The following MYMK variants were observed in gnomAD, a reference collection of about 807,000 sequenced individuals.
MYMK encodes protein myomaker.
Under a neutral mutation model 22.4 loss-of-function variants are expected in MYMK, and 16 were observed. That is an observed-to-expected ratio of 0.72 (90% CI 0.48 to 1.09). The LOEUF (loss-of-function observed/expected upper bound fraction) is 1.09, where lower values mean the gene tolerates loss of function less well. Among genes scored for constraint, MYMK ranks in the 50% least tolerant of loss-of-function variants. The probability of loss-of-function intolerance (pLI) is 0.00; values close to 1 mark genes in which losing one functional copy is unlikely to be tolerated. For missense variants in MYMK, 250 were observed against 295.6 expected (o/e 0.85, Z 1.13); for synonymous variants, 125 against 127.0 (o/e 0.98, Z 0.11).
At chr9:133,517,697 C>A (rs1454246950) in intron 3 of MYMK, among the ~76,000 whole-genome samples, 1 of 151,332 alleles carries the variant, frequency 6.6e-6, no homozygotes, top group Non-Finnish European at 1.5e-5. Flanking sequence ...CAGGTTCTGG[C>A]CCCGCCACTG....
chr9:133,522,403 C>A (rs937073735), intron 1 of MYMK, among the ~76,000 whole-genome samples: 3 of 152,138 alleles, frequency 2.0e-5, no homozygotes, highest in Non-Finnish European at 4.4e-5. Context: ...GGTTTGCACC[C>A]ATAGCAAGGT....
At chr9:133,519,864 G>A (rs1051345782) in intron 2 of MYMK, among the ~76,000 whole-genome samples, 15 of 152,350 alleles carry the variant, frequency 9.8e-5, no homozygotes, top group South Asian at 2.1e-4. Flanking sequence ...TCCCAGGGAA[G>A]GAGTGACGGG....
rs891691935 is a variant in MYMK, at chr9:133,517,906, G to A, written c.399+968C>T. 5.3e-5 allele frequency among the ~76,000 whole-genome samples: 8 copies of A among 152,238 alleles called. No individual in the cohort carries two copies. In the East Asian group the frequency reaches 1.2e-3, roughly 22 times the overall value. On this transcript the variant is annotated intron_variant, in intron 3 of 4. Coordinates refer to ENST00000339996, the MANE Select transcript of MYMK (RefSeq NM_001080483.3). ...AGAGCTGCCCTCTGTCTTGCTGGGT[G>A]TCCTGCGGCTCTGGCCGGGGCTGGC...
intron 1 of MYMK, among the ~76,000 whole-genome samples, chr9:133,523,427 A>G (rs975664588): frequency 6.6e-6 from 1 of 152,078 alleles, no homozygotes; most frequent in African/African-American, 2.4e-5. Context: ...TCCCCAGAGC[A>G]GGTGTCATGC....
chr9:133,519,766 C>T (rs1202743726), intron 2 of MYMK, among the ~76,000 whole-genome samples: 1 of 152,108 alleles, frequency 6.6e-6, no homozygotes, highest in Non-Finnish European at 1.5e-5. Context: ...TGAACAGTCC[C>T]GTCTTCCAGG....
intron 1 of MYMK, among the ~76,000 whole-genome samples, chr9:133,523,983 G>A (rs1036957593): frequency 6.6e-6 from 1 of 152,068 alleles, no homozygotes; most frequent in African/African-American, 2.4e-5. Context: ...AGGGGTCCCA[G>A]AAACAGCGAC....
chr9:133,521,409 A>T (rs537741046), intron 1 of MYMK, among the ~76,000 whole-genome samples: 1 of 152,140 alleles, frequency 6.6e-6, no homozygotes, highest in East Asian at 1.9e-4. Flanking sequence ...GCACAGAGGG[A>T]GCGGGGGCCC....
In MYMK at chr9:133,518,861, G is replaced by T. The variant is rs370239985; in HGVS notation, c.399+13C>A. ...CCTGGGTCCCCGTTCATCGAGGCTC[G>T]CGCAGTACGCACCCACTTTGCCGCG... On this transcript the variant is annotated intron_variant, in intron 3 of 4. Coordinates refer to ENST00000339996, the MANE Select transcript of MYMK (RefSeq NM_001080483.3). The T allele has an allele frequency of 5.5e-5, 88 of 1,606,442 alleles. No homozygotes were observed. The African/African-American group carries it at 1.0e-3, about 19-fold the overall frequency.
chr9:133,520,320 A>C, intron 1 of MYMK, 32 bp from the exon 2 acceptor site: 1 of 1,589,708 alleles, frequency 6.3e-7, no homozygotes, highest in Non-Finnish European at 8.6e-7. Flanking sequence ...GTCACAGCAC[A>C]AAGAGGCCAG....
At position 133,524,946 on chromosome 9, in the gene MYMK, C is replaced by T; in HGVS notation, c.-102G>A. ...GAAGGCCAGCTCCCTTTGGGCAGGG[C>T]TCTGATGGCAGCTGCGGGGAGCACC... On this transcript the variant is annotated 5_prime_UTR_variant, in exon 1 of 5. Transcript: ENST00000339996. The T allele has an allele frequency of 1.4e-6, 2 of 1,396,484 alleles. No homozygotes were observed. Among genetic ancestry groups the T allele is most frequent in the Non-Finnish European group, 9.6e-7 (1 of 1,036,516 alleles). 86.5% of individuals were successfully genotyped at this position (1,396,484 alleles called of 1,614,324 possible). A position where few individuals can be genotyped will look rare whatever the true frequency, so the allele number is the denominator to read the frequency against.
intron 1 of MYMK, among the ~76,000 whole-genome samples, chr9:133,523,554 G>A (rs988755921): frequency 6.6e-6 from 1 of 152,168 alleles, no homozygotes; most frequent in Non-Finnish European, 1.5e-5. Flanking sequence ...CATGTTAGTG[G>A]AGAAAGTCGG....
chr9:133,523,650 AG>A (rs879597353), intron 1 of MYMK, among the ~76,000 whole-genome samples: 2 of 151,142 alleles, frequency 1.3e-5, no homozygotes, highest in East Asian at 2.0e-4. Context: ...AATAGATCAC[AG>A]GTAGATGGAT....
Position 133,514,587 on chromosome 9 carries a change from A to G in MYMK, c.*49T>C, listed in dbSNP as rs1366320306. ...GGAGAAACTGTCTGGGACTCTGGCC[A>G]AGTGTGAGCTGGGGAGGGCAGGGGC... On this transcript the variant is annotated 3_prime_UTR_variant, in exon 5 of 5. Coordinates refer to ENST00000339996, the MANE Select transcript of MYMK (RefSeq NM_001080483.3). The G allele has an allele frequency of 1.3e-6, 2 of 1,577,078 alleles. No individual in the cohort carries two copies. Among genetic ancestry groups the G allele is most frequent in the Admixed American group, 3.7e-5 (2 of 54,452 alleles).
rs146986769 is a variant in MYMK at position 133,514,687 on chromosome 9, C to G, written c.615G>C (p.Pro205=). 2.5e-6 allele frequency: 4 copies of G among 1,613,982 alleles called. No individual in the cohort carries two copies. The East Asian group carries it at 6.7e-5, about 27-fold the overall frequency. ...AGCAGTCCAGCTTGGCCGGGGTCCC[C>G]GGGGATCCAGCCTTCTTGTTGACCT... ...LPKVNKKAGS[P]GTPAKLDCST... is the part of the protein sequence containing the mutation. Residue 205 remains proline, a synonymous_variant, in exon 5 of 5, where the codon CCG becomes CCC. Coordinates refer to ENST00000339996, the MANE Select transcript of MYMK (RefSeq NM_001080483.3).
chr9:133,520,598 T>TGGTC (rs1844691946), intron 1 of MYMK, among the ~76,000 whole-genome samples: 1 of 152,084 alleles, frequency 6.6e-6, no homozygotes, highest in South Asian at 2.1e-4. Flanking sequence ...GGAGACTGAG[T>TGGTC]GGTCACTCAG....
chr9:133,523,644 G>T (rs1844728894), intron 1 of MYMK, among the ~76,000 whole-genome samples: 1 of 150,890 alleles, frequency 6.6e-6, no homozygotes, highest in African/African-American at 2.4e-5. Context: ...TAGACGAATA[G>T]ATCACAGGTA....
chr9:133,518,537 C>T (rs1463023421), intron 3 of MYMK, among the ~76,000 whole-genome samples: 1 of 152,252 alleles, frequency 6.6e-6, no homozygotes, highest in East Asian at 1.9e-4. Context: ...CATGCCAGGA[C>T]TTCAGGTGCC....
Position 133,514,834 on chromosome 9 carries a change from C to T in MYMK, c.517-49G>A. On this transcript the variant is annotated intron_variant, in intron 4 of 4. Transcript: ENST00000339996. ...TGGGGCCTCAGCCCCCTCCCCGAGGCTCCTCCCTCTCCAAGACCCAGCAGA... is the reference window on the plus strand; with the variant it reads ...TGGGGCCTCAGCCCCCTCCCCGAGGTTCCTCCCTCTCCAAGACCCAGCAGA... The T allele has an allele frequency of 3.8e-6, 6 of 1,580,776 alleles. 1 individual carries two copies. Among genetic ancestry groups the T allele is most frequent in the South Asian group, 1.2e-5 (1 of 85,756 alleles).
Position 133,515,336 on chromosome 9 carries a change from C to T in MYMK, c.516+155G>A, listed in dbSNP as rs1000969274. On this transcript the variant is annotated intron_variant, in intron 4 of 4. Transcript: ENST00000339996. This position sits in a 1 kb window ranked among gnomAD's most constrained non-coding sequence, Gnocchi z 5.8. Reference sequence around the variant, plus strand: ...GGGGACGGCATTGCCCCCGACATAGCCCTGGGAGGGGCTAGTGAGCAGGGA... The same window carrying T: ...GGGGACGGCATTGCCCCCGACATAGTCCTGGGAGGGGCTAGTGAGCAGGGA... Among the ~76,000 whole-genome samples the T allele has an allele frequency of 1.3e-5, 2 of 152,202 alleles. No homozygotes were observed. Among genetic ancestry groups the T allele is most frequent in the African/African-American group, 4.8e-5 (2 of 41,456 alleles).
Sources: gnomAD v4.1 joint callset for allele counts (sites outside exome capture counted in the v4.1 genomes callset) on GRCh38, gnomAD v4.1.1 for gene constraint, Gnocchi (gnomAD v3.1) non-coding constraint, MANE v1.5 for transcripts, NCBI Gene and HGNC (gene_info 2026-07-23, HGNC 2026-07-21) for gene names.